TCEA3: variants seen among roughly 807,000 people sequenced by gnomAD.
TCEA3 encodes transcription elongation factor A protein 3.
A neutral mutation model predicts 44.0 loss-of-function variants in TCEA3; 36 were observed. The observed-to-expected ratio is 0.82, with a 90% confidence interval of 0.63 to 1.08. The LOEUF (loss-of-function observed/expected upper bound fraction) is 1.08. Ranked by LOEUF, TCEA3 falls within the 50% of genes least tolerant of loss-of-function variation. The probability of loss-of-function intolerance (pLI) is 0.00; values close to 1 mark genes in which losing one functional copy is unlikely to be tolerated. For synonymous variants in TCEA3, 162 were observed against 159.7 expected (o/e 1.01, Z -0.11); for missense variants, 392 against 441.2 (o/e 0.89, Z 1.00).
At chr1:23,399,136 G>GTGTATATATA (rs1553167272) in intron 5 of TCEA3, among the ~76,000 whole-genome samples, 2 of 58,688 alleles carry the variant, frequency 3.4e-5, no homozygotes, top group African/African-American at 7.4e-5. Flanking sequence ...TTATATATAT[G>GTGTATATATA]TATATATGTA....
rs1638668765 is a variant in TCEA3 at position 23,381,414 on chromosome 1, T to C, written c.*52A>G. On this transcript the variant is annotated 3_prime_UTR_variant, in exon 11 of 11. Transcript: ENST00000450454. ...TTTATTGCTTCTCCAGTTCAGATAA[T>C]TCAGCGCTTCCTCTTTCTTCTTCCT... The C allele has an allele frequency of 2.6e-6, 2 of 779,552 alleles. No homozygotes were observed. The highest frequency in any genetic ancestry group is 1.3e-5 in the South Asian group (1 of 74,260). 48.3% of individuals were successfully genotyped at this position (779,552 alleles called of 1,614,324 possible).
intron 9 of TCEA3, among the ~76,000 whole-genome samples, chr1:23,385,042 A>T (rs1638791949): frequency 6.6e-6 from 1 of 152,114 alleles, no homozygotes; most frequent in Non-Finnish European, 1.5e-5. Flanking sequence ...TGAGGCCCAG[A>T]GAGGGAAAGT....
At chr1:23,413,197 TGCGATCTCG>T (rs1251137221) in intron 4 of TCEA3, among the ~76,000 whole-genome samples, 1 of 151,414 alleles carries the variant, frequency 6.6e-6, no homozygotes, top group African/African-American at 2.4e-5. Flanking sequence ...AGTGCAGTAG[TGCGATCTCG>T]GCTCACTGCA....
chr1:23,401,876 C>T (rs561263564), intron 5 of TCEA3, among the ~76,000 whole-genome samples: 8 of 152,148 alleles, frequency 5.3e-5, no homozygotes, highest in Admixed American at 1.3e-4. Context: ...CTAGGTTGCA[C>T]GCTCCTTACG....
At chr1:23,384,656 C>T (rs1407159944) in intron 9 of TCEA3, among the ~76,000 whole-genome samples, 1 of 146,494 alleles carries the variant, frequency 6.8e-6, no homozygotes, top group Non-Finnish European at 1.5e-5. Flanking sequence ...GCCTTTTGCA[C>T]TTCCGCTTTT....
intron 2 of TCEA3, among the ~76,000 whole-genome samples, chr1:23,418,840 C>A (rs1295675105): frequency 6.6e-6 from 1 of 152,030 alleles, no homozygotes; most frequent in Non-Finnish European, 1.5e-5. Context: ...GAAAAGCGAA[C>A]CAGTCTTGCT....
At chr1:23,413,363 A>C (rs191480710) in intron 4 of TCEA3, among the ~76,000 whole-genome samples, 1 of 152,024 alleles carries the variant, frequency 6.6e-6, no homozygotes, top group South Asian at 2.1e-4. Flanking sequence ...CCTGAGCTCA[A>C]GTAATCCACC....
At position 23,417,927 on chromosome 1, in the gene TCEA3, A is replaced by G. The variant is rs761252623; in HGVS notation, c.215T>C (p.Ile72Thr). The change falls in exon 3 of 11, where the codon ATC becomes ACC. Residue 72 changes from isoleucine (I) to threonine (T), a missense_variant. By Grantham distance (89) the Ile-to-Thr change is moderately conservative. Transcript: ENST00000450454. The part of the protein sequence containing the change: ...KEVVSLAKVL[I>T]KNWKRLLDSP... ...ACCTAGCAGCCGCTTCCAGTTTTTG[A>G]TAAGGACTTTGGCCAAGGACACCAC... The G allele has an allele frequency of 1.2e-6, 2 of 1,614,038 alleles. No individual in the cohort carries two copies. The highest frequency in any genetic ancestry group is 1.7e-6 in the Non-Finnish European group (2 of 1,179,882).
intron 8 of TCEA3, among the ~76,000 whole-genome samples, chr1:23,391,103 A>G (rs1240603248): frequency 1.3e-5 from 2 of 150,368 alleles, no homozygotes; most frequent in Non-Finnish European, 3.0e-5. Context: ...CCCAAGCCCA[A>G]GCTAAGATTT....
intron 9 of TCEA3, 140 bp downstream of exon 9, chr1:23,387,132 CA>C (rs1292154173): frequency 2.6e-5 from 29 of 1,098,928 alleles, no homozygotes; most frequent in Non-Finnish European, 3.5e-5. Context: ...TGATTACAGA[CA>C]TGAGCCACCG....
intron 5 of TCEA3, among the ~76,000 whole-genome samples, chr1:23,402,466 A>T (rs566527001): frequency 2.0e-5 from 3 of 152,294 alleles, no homozygotes; most frequent in Non-Finnish European, 4.4e-5. Flanking sequence ...GAAGGCCTCC[A>T]CAGCACTGCT....
chr1:23,392,109 G>C (rs934409151), intron 8 of TCEA3, among the ~76,000 whole-genome samples: 3 of 152,086 alleles, frequency 2.0e-5, no homozygotes, highest in Non-Finnish European at 4.4e-5. Context: ...AAATTAGGCA[G>C]AAAGATAACC....
At position 23,419,142 on chromosome 1, in the gene TCEA3, G is replaced by C. The variant is rs115959718; in HGVS notation, c.70-3C>G. ...TTCAGAAGGTCCAGGGCCCCTTCCT[G>C]TGGGAGGCCACAAGGTGAGGACTGG... On this transcript the variant is annotated splice_region_variant and splice_polypyrimidine_tract_variant and intron_variant, in intron 1 of 10. Transcript: ENST00000450454. The C allele has an allele frequency of 2.5e-6, 4 of 1,587,460 alleles. No individual in the cohort carries two copies. In the African/African-American group the frequency reaches 5.4e-5, roughly 21 times the overall value.
At chr1:23,418,857 C>T (rs933171642) in intron 2 of TCEA3, among the ~76,000 whole-genome samples, 2 of 152,020 alleles carry the variant, frequency 1.3e-5, no homozygotes, top group African/African-American at 4.8e-5. Context: ...TGCTCCAAGG[C>T]CCAGAGGTCC....
intron 5 of TCEA3, chr1:23,403,983 CG>C: frequency 1.6e-6 from 1 of 627,184 alleles, no homozygotes; most frequent in South Asian, 1.8e-5. Flanking sequence ...CATCATCGGC[CG>C]GGGTGGGAGG....
At chr1:23,403,070 C>T (rs924975019) in intron 5 of TCEA3, among the ~76,000 whole-genome samples, 5 of 152,358 alleles carry the variant, frequency 3.3e-5, no homozygotes, top group African/African-American at 1.2e-4. Context: ...ACCCAGGCAA[C>T]GCCATCTCCT....
chr1:23,411,031 A>T, intron 4 of TCEA3: 1 of 205,500 alleles, frequency 4.9e-6, no homozygotes, highest in Admixed American at 4.4e-5. Flanking sequence ...TGTGGTGATC[A>T]GGGGACAGGA....
In TCEA3 at chr1:23,381,419, C is replaced by T. The variant is rs375514226; in HGVS notation, c.*47G>A. 73 of 779,648 alleles carry T rather than the reference C, an allele frequency of 9.4e-5. No homozygotes were observed. The Middle Eastern group carries it at 1.8e-3, about 19-fold the overall frequency. The allele number at this position is 779,648 out of a possible 1,614,324, so 48.3% of individuals were successfully genotyped here. ...TGCTTCTCCAGTTCAGATAATTCAG[C>T]GCTTCCTCTTTCTTCTTCCTCACCT... On this transcript the variant is annotated 3_prime_UTR_variant, in exon 11 of 11. Coordinates refer to ENST00000450454, the MANE Select transcript of TCEA3 (RefSeq NM_003196.3).
At chr1:23,408,023 G>A (rs763318917) in intron 5 of TCEA3, among the ~76,000 whole-genome samples, 30 of 151,850 alleles carry the variant, frequency 2.0e-4, no homozygotes, top group African/African-American at 2.7e-4. Flanking sequence ...TTGCAGTGGC[G>A]CGATCTCGGC....
Sources: gnomAD v4.1 joint callset for allele counts (sites outside exome capture counted in the v4.1 genomes callset) on GRCh38, gnomAD v4.1.1 for gene constraint, MANE v1.5 for transcripts, NCBI Gene and HGNC (gene_info 2026-07-23, HGNC 2026-07-21) for gene names.